C7orf33: variants seen among roughly 807,000 people sequenced by gnomAD.
C7orf33 encodes the protein chromosome 7 open reading frame 33.
C7orf33 carries 15 observed loss-of-function variants against 13.4 expected under a neutral mutation model. The ratio of observed to expected loss-of-function variants is 1.12; its 90% CI spans 0.75 to 1.72. C7orf33 has a LOEUF of 1.72. Ranked by LOEUF, C7orf33 falls within the 40% of genes most tolerant of loss-of-function variation. The pLI is 0.00. For missense variants in C7orf33, 187 were observed against 220.3 expected (o/e 0.85, Z 0.96); for synonymous variants, 73 against 83.2 (o/e 0.88, Z 0.67).
chr7:148,610,014 A>T (rs1796518529), intron 1 of C7orf33, among the ~76,000 whole-genome samples: 1 of 152,216 alleles, frequency 6.6e-6, no homozygotes, highest in African/African-American at 2.4e-5. Flanking sequence ...GAGCTGAGGC[A>T]CTGTGTAACA....
At chr7:148,610,267 A>T (rs1024736391) in intron 1 of C7orf33, among the ~76,000 whole-genome samples, 7 of 152,076 alleles carry the variant, frequency 4.6e-5, no homozygotes, top group African/African-American at 1.7e-4. Flanking sequence ...GCCAAAGGAG[A>T]TTAACTTTTG....
At chr7:148,612,830 A>G (rs1796560560) in intron 1 of C7orf33, among the ~76,000 whole-genome samples, 1 of 151,632 alleles carries the variant, frequency 6.6e-6, no homozygotes, top group South Asian at 2.1e-4. Context: ...CACTTCCTCA[A>G]AATATTAAAC....
chr7:148,601,631 G>A (rs897121592), intron 1 of C7orf33, among the ~76,000 whole-genome samples: 1 of 152,216 alleles, frequency 6.6e-6, no homozygotes, highest in Non-Finnish European at 1.5e-5. Context: ...ATAGGCATGA[G>A]CCACCTCGGA....
At chr7:148,612,926 G>A (rs1250342633) in intron 1 of C7orf33, among the ~76,000 whole-genome samples, 1 of 151,736 alleles carries the variant, frequency 6.6e-6, no homozygotes, top group Non-Finnish European at 1.5e-5. Context: ...TGTATACAAT[G>A]TGTAATGATC....
At chr7:148,613,398 A>C (rs1796567424) in intron 1 of C7orf33, among the ~76,000 whole-genome samples, 1 of 152,254 alleles carries the variant, frequency 6.6e-6, no homozygotes, top group African/African-American at 2.4e-5. Flanking sequence ...TAATACTCAA[A>C]AAATGGAAAC....
At chr7:148,605,753 GGA>G (rs1796466365) in intron 1 of C7orf33, among the ~76,000 whole-genome samples, 1 of 152,072 alleles carries the variant, frequency 6.6e-6, no homozygotes, top group South Asian at 2.1e-4. Flanking sequence ...TTTAACCCTG[GGA>G]GTGGACGCTG....
intron 1 of C7orf33, among the ~76,000 whole-genome samples, chr7:148,608,429 C>T (rs978892835): frequency 5.3e-5 from 8 of 151,078 alleles, no homozygotes; most frequent in Admixed American, 2.6e-4. Context: ...GACTGCATCT[C>T]GAAATAATAA....
chr7:148,601,687 A>G (rs1177663335), intron 1 of C7orf33, among the ~76,000 whole-genome samples: 1 of 151,796 alleles, frequency 6.6e-6, no homozygotes, highest in Non-Finnish European at 1.5e-5. Flanking sequence ...TTAGTTTTTA[A>G]TTTTATTGCA....
intron 1 of C7orf33, among the ~76,000 whole-genome samples, chr7:148,591,749 T>A (rs1034014737): frequency 1.3e-5 from 2 of 152,090 alleles, no homozygotes; most frequent in Non-Finnish European, 2.9e-5. Flanking sequence ...CTTAGCTAAT[T>A]TTTTTATTTT....
chr7:148,613,466 T>A (rs1037320800), intron 1 of C7orf33, among the ~76,000 whole-genome samples: 2 of 152,240 alleles, frequency 1.3e-5, no homozygotes, highest in African/African-American at 2.4e-5. Context: ...ACCTATATAA[T>A]AAACTATTAC....
At position 148,605,764 on chromosome 7, in the gene C7orf33, T is replaced by A. The variant is rs183625047; in HGVS notation, c.205-8278T>A. On this transcript the variant is annotated intron_variant, in intron 1 of 2. Transcript: ENST00000307003. ...TTTCTTTAACCCTGGGAGTGGACGC[T>A]GCAGTTGCTACCTCTATGAGACCTT... Among the ~76,000 whole-genome samples, 20 of 152,346 alleles carry A rather than the reference T, an allele frequency of 1.3e-4. No individual in the cohort carries two copies. The South Asian group carries it at 3.5e-3, about 27-fold the overall frequency.
rs182858907 is a variant in C7orf33, at chr7:148,608,208, T to A, written c.205-5834T>A. ...CTTTTGGGAGGCTGACGCAGGCGGA[T>A]CACGAGGTCAAGATGTCAAGACCAT... On this transcript the variant is annotated intron_variant, in intron 1 of 2. Transcript: ENST00000307003. Among the ~76,000 whole-genome samples the A allele has an allele frequency of 3.1e-3, 465 of 152,118 alleles. 5 individuals carry two copies. Among genetic ancestry groups the A allele is most frequent in the Middle Eastern group, 0.014 (4 of 294 alleles).
chr7:148,608,840 A>C (rs1796505704), intron 1 of C7orf33, among the ~76,000 whole-genome samples: 1 of 152,140 alleles, frequency 6.6e-6, no homozygotes, highest in Admixed American at 6.5e-5. Flanking sequence ...ATTGCAAGGA[A>C]AGGCAAAACA....
At chr7:148,614,335 A>AGGTGCT (rs1285341985) in intron 2 of C7orf33, 39 bp downstream of exon 2, 1 of 1,591,036 alleles carries the variant, frequency 6.3e-7, no homozygotes, top group Admixed American at 1.7e-5. Context: ...AAGTTTAAGG[A>AGGTGCT]AACCCACGGG....
chr7:148,615,389 T>G lies in C7orf33; in HGVS notation c.522T>G (p.Thr174=). Residue 174 remains threonine (T), a synonymous_variant, in exon 3 of 3, where the codon ACT becomes ACG. Coordinates refer to ENST00000307003, the MANE Select transcript of C7orf33 (RefSeq NM_145304.4). ...TTGAGGCCACAAGGATTTCCAGAAC[T>G]GACAGCAGTTAAGAATTTTGCAGAA... ...NSVEATRISR[T]DSS is the part of the protein sequence containing the mutation. The G allele has an allele frequency of 6.2e-7, 1 of 1,611,662 alleles. No individual in the cohort carries two copies.
chr7:148,613,724 A>G (rs970959055), intron 1 of C7orf33, among the ~76,000 whole-genome samples: 1 of 152,210 alleles, frequency 6.6e-6, no homozygotes, highest in Non-Finnish European at 1.5e-5. Flanking sequence ...AAAAAGTTCT[A>G]AAATTGACAG....
At chr7:148,606,573 A>G (rs1334954731) in intron 1 of C7orf33, among the ~76,000 whole-genome samples, 1 of 151,986 alleles carries the variant, frequency 6.6e-6, no homozygotes, top group Admixed American at 6.6e-5. Context: ...CAATCCTCAT[A>G]GGTCTTTTAA....
intron 1 of C7orf33, among the ~76,000 whole-genome samples, chr7:148,595,295 AT>A (rs899120589): frequency 1.4e-5 from 2 of 141,494 alleles, no homozygotes; most frequent in African/African-American, 5.2e-5. Flanking sequence ...GATATATATT[AT>A]ATAGATATAT....
intron 1 of C7orf33, among the ~76,000 whole-genome samples, chr7:148,591,508 T>C (rs1682568611): frequency 1.3e-5 from 2 of 152,238 alleles, no homozygotes; most frequent in Non-Finnish European, 2.9e-5. Flanking sequence ...GGTCACCCTT[T>C]GGCACAAGCT....
Sources: gnomAD v4.1 joint callset for allele counts (sites outside exome capture counted in the v4.1 genomes callset) on GRCh38, gnomAD v4.1.1 for gene constraint, MANE v1.5 for transcripts, NCBI Gene and HGNC (gene_info 2026-07-23, HGNC 2026-07-21) for gene names.